SUPT3H: variants seen among roughly 807,000 people sequenced by gnomAD.
SUPT3H encodes SPT3 homolog, SAGA and STAGA complex component.
SUPT3H carries 44 observed loss-of-function variants against 44.3 expected under a neutral mutation model. The ratio of observed to expected loss-of-function variants is 0.99; its 90% CI spans 0.78 to 1.28. The LOEUF is 1.28. SUPT3H is among the 50% of genes most tolerant of loss of function. The pLI is 0.00. For synonymous variants in SUPT3H, 124 were observed against 125.6 expected (o/e 0.99, Z 0.09); for missense variants, 380 against 387.1 (o/e 0.98, Z 0.15).
intron 6 of SUPT3H, among the ~76,000 whole-genome samples, chr6:44,969,288 C>A (rs142190456): frequency 3.3e-5 from 5 of 152,078 alleles, no homozygotes; most frequent in Admixed American, 6.6e-5. Flanking sequence ...CACATATGCA[C>A]GTGTATGTCT....
At position 45,054,367 on chromosome 6, in the gene SUPT3H, T is replaced by C. The variant is rs73737864; in HGVS notation, c.187-33735A>G. Among the ~76,000 whole-genome samples, 591 of 152,158 alleles carry C rather than the reference T, an allele frequency of 3.9e-3. 6 individuals carry two copies. The highest frequency in any genetic ancestry group is 0.014 in the African/African-American group (563 of 41,490). ...ATACAGAGAAGACTGAACAAAAAGG[T>C]CTTGCTGAAATCTCTCCAGTTTATT... On this transcript the variant is annotated intron_variant, in intron 3 of 10. Transcript: ENST00000371459.
chr6:44,829,991 A>ATATTTC (rs1768334906), intron 10 of SUPT3H, 134 bp from the exon 11 acceptor site: 2 of 773,558 alleles, frequency 2.6e-6, no homozygotes, highest in Non-Finnish European at 4.3e-6. Flanking sequence ...CTTAATCTGA[A>ATATTTC]TATTTCTGGT....
At chr6:45,021,179 T>C (rs1328081168) in intron 3 of SUPT3H, among the ~76,000 whole-genome samples, 2 of 151,928 alleles carry the variant, frequency 1.3e-5, no homozygotes, top group African/African-American at 4.8e-5. Flanking sequence ...TGGACTGCAT[T>C]AATTTCTTTC....
intron 3 of SUPT3H, among the ~76,000 whole-genome samples, chr6:45,083,459 G>T (rs1796089306): frequency 6.6e-6 from 1 of 151,878 alleles, no homozygotes; most frequent in African/African-American, 2.4e-5. Context: ...CAAACTGCTG[G>T]GATTGCAGGC....
intron 3 of SUPT3H, among the ~76,000 whole-genome samples, chr6:45,075,552 T>C (rs1184816382): frequency 1.3e-5 from 2 of 152,148 alleles, no homozygotes; most frequent in Admixed American, 1.3e-4. Flanking sequence ...TCTGGTAAAT[T>C]TTCTCGTCAT....
rs951788670 is a variant in SUPT3H at position 44,953,390 on chromosome 6, G to T, written c.721C>A (p.Gln241Lys). Reference protein sequence around the residue: ...QLVDLALLVRQDMVTKAGDPF... With the variant: ...QLVDLALLVRKDMVTKAGDPF... ...TCCCCTGCCTTGGTTACCATGTCTT[G>T]CCTCACAAGAAGAGCCAGATCCACT... The change falls in exon 9 of 11, where the codon CAA becomes AAA. Residue 241 changes from glutamine to lysine, a missense_variant. Transcript: ENST00000371459. The T allele has an allele frequency of 6.2e-7, 1 of 1,614,056 alleles. No homozygotes were observed.
At chr6:44,893,764 A>G (rs1763685330) in intron 10 of SUPT3H, among the ~76,000 whole-genome samples, 1 of 144,210 alleles carries the variant, frequency 6.9e-6, no homozygotes, top group African/African-American at 2.5e-5. Context: ...GTCAAATGGT[A>G]TTTCTAGTTC....
chr6:45,262,223 T>C (rs547604220), intron 2 of SUPT3H, among the ~76,000 whole-genome samples: 56 of 152,158 alleles, frequency 3.7e-4, no homozygotes, highest in African/African-American at 1.3e-3. Context: ...TTTTAAACTA[T>C]TCTAAAATTC....
At chr6:44,855,375 A>G (rs1221575189) in intron 10 of SUPT3H, among the ~76,000 whole-genome samples, 1 of 152,162 alleles carries the variant, frequency 6.6e-6, no homozygotes, top group Non-Finnish European at 1.5e-5. Context: ...TCCTGGCTCT[A>G]GTGTGCTCAG....
intron 2 of SUPT3H, among the ~76,000 whole-genome samples, chr6:45,150,040 GT>G (rs570751502): frequency 6.6e-6 from 1 of 151,658 alleles, no homozygotes; most frequent in Admixed American, 6.6e-5. Flanking sequence ...CAGCATCAAT[GT>G]TTTTTTTAAG....
rs1270130538 is a variant in SUPT3H at position 45,365,827 on chromosome 6, T to C, written c.1-526A>G. On this transcript the variant is annotated intron_variant, in intron 1 of 10. Transcript: ENST00000371459. ...GAAAACTACAGCATAATCTAAATCC[T>C]ATTTGAACAAAAGCCTAAAATACAA... 2.0e-5 allele frequency among the ~76,000 whole-genome samples: 3 copies of C among 151,792 alleles called. No homozygotes were observed. The East Asian group carries it at 5.8e-4, about 29-fold the overall frequency.
At chr6:45,317,845 A>G (rs1390144332) in intron 2 of SUPT3H, among the ~76,000 whole-genome samples, 1 of 151,844 alleles carries the variant, frequency 6.6e-6, no homozygotes, top group Non-Finnish European at 1.5e-5. Flanking sequence ...AAATGGGATT[A>G]CAATAAACTA....
At chr6:44,862,824 C>T (rs923977533) in intron 10 of SUPT3H, among the ~76,000 whole-genome samples, 7 of 152,114 alleles carry the variant, frequency 4.6e-5, no homozygotes, top group South Asian at 2.1e-4. Context: ...TCAATAAAGA[C>T]GTATTGAAGG....
intron 6 of SUPT3H, among the ~76,000 whole-genome samples, chr6:45,002,644 G>A (rs1260180764): frequency 6.6e-6 from 1 of 151,908 alleles, no homozygotes; most frequent in Non-Finnish European, 1.5e-5. Context: ...AGGCAAAGTT[G>A]AACTAAAATT....
chr6:45,005,949 T>C (rs1782661900), intron 5 of SUPT3H, among the ~76,000 whole-genome samples: 1 of 152,102 alleles, frequency 6.6e-6, no homozygotes, highest in African/African-American at 2.4e-5. Context: ...TCGAAGCATA[T>C]CTTGCTATTT....
chr6:45,237,738 G>A (rs552711288), intron 2 of SUPT3H, among the ~76,000 whole-genome samples: 70 of 152,228 alleles, frequency 4.6e-4, no homozygotes, highest in South Asian at 4.6e-3. Context: ...AGAGGACTTA[G>A]TTCCTGAACA....
intron 10 of SUPT3H, among the ~76,000 whole-genome samples, chr6:44,909,072 C>T (rs1766577117): frequency 6.6e-6 from 1 of 151,514 alleles, no homozygotes; most frequent in Admixed American, 6.6e-5. Context: ...TCTTTAATTA[C>T]CCCCTTAATA....
chr6:45,186,394 A>G (rs1311845867), intron 2 of SUPT3H, among the ~76,000 whole-genome samples: 1 of 152,192 alleles, frequency 6.6e-6, no homozygotes. Context: ...GTATTTCAAA[A>G]AACCTTCAAA....
intron 2 of SUPT3H, among the ~76,000 whole-genome samples, chr6:45,250,494 T>C (rs1368795012): frequency 1.3e-5 from 2 of 151,334 alleles, no homozygotes; most frequent in Non-Finnish European, 2.9e-5. Flanking sequence ...TCCTAGAAAG[T>C]AAAACAAAAA....
Sources: gnomAD v4.1 joint callset for allele counts (sites outside exome capture counted in the v4.1 genomes callset) on GRCh38, gnomAD v4.1.1 for gene constraint, MANE v1.5 for transcripts, NCBI Gene and HGNC (gene_info 2026-07-23, HGNC 2026-07-21) for gene names.